Variants in PLCB1 observed in about 807,000 individuals in gnomAD.
PLCB1 encodes phospholipase C beta 1.
A neutral mutation model predicts 161.8 loss-of-function variants in PLCB1; 46 were observed. That is an observed-to-expected ratio of 0.28 (90% CI 0.22 to 0.36). The LOEUF (loss-of-function observed/expected upper bound fraction) is 0.36, where lower values mean the gene tolerates loss of function less well. PLCB1 is among the 10% of genes least tolerant of loss of function. The pLI is 1.00. For synonymous variants in PLCB1, 517 were observed against 503.7 expected (o/e 1.03, Z -0.35); for missense variants, 1,016 against 1,472.5 (o/e 0.69, Z 5.07).
chr20:8,580,714 A>G (rs6055919), intron 3 of PLCB1, among the ~76,000 whole-genome samples: 93,744 of 152,162 alleles, frequency 0.62, 30,995 homozygotes, highest in African/African-American at 0.87. Context: ...GCTTTCAAGG[A>G]ACTCATAGTT....
intron 31 of PLCB1, among the ~76,000 whole-genome samples, chr20:8,856,198 G>A (rs956897342): frequency 6.6e-6 from 1 of 152,004 alleles, no homozygotes; most frequent in African/African-American, 2.4e-5. Context: ...TCATGCATAT[G>A]TATTCCTATA....
At chr20:8,525,303 A>G (rs1424142147) in intron 3 of PLCB1, among the ~76,000 whole-genome samples, 1 of 152,006 alleles carries the variant, frequency 6.6e-6, no homozygotes, top group Non-Finnish European at 1.5e-5. Context: ...AAAAAACCTG[A>G]CCTTGGGAGA....
intron 6 of PLCB1, 115 bp downstream of exon 6, chr20:8,648,068 G>A: frequency 2.9e-6 from 2 of 694,830 alleles, no homozygotes; most frequent in Non-Finnish European, 4.8e-6. Flanking sequence ...GAAATGCGTG[G>A]TAGCCCTGTC....
At chr20:8,666,791 C>A in intron 9 of PLCB1, among the ~76,000 whole-genome samples, 1 of 152,098 alleles carries the variant, frequency 6.6e-6, no homozygotes. Context: ...TTTCTTCTAA[C>A]AAAGTCTCGT....
At position 8,420,916 on chromosome 20, in the gene PLCB1, A is replaced by G. The variant is rs571088706; in HGVS notation, c.246+49466A>G. ...AATTTCTTAATCTTACTGGAAGTAC[A>G]TAAAATCTGTTTTTGTTTTAAATAC... On this transcript the variant is annotated intron_variant, in intron 3 of 31. Transcript: ENST00000338037. Among the ~76,000 whole-genome samples, 6 of 152,180 alleles carry G rather than the reference A, an allele frequency of 3.9e-5. 1 individual carries two copies. Among genetic ancestry groups the G allele is most frequent in the Admixed American group, 1.3e-4 (2 of 15,260 alleles).
chr20:8,190,794 C>A (rs1345791963), intron 2 of PLCB1, among the ~76,000 whole-genome samples: 1 of 152,046 alleles, frequency 6.6e-6, no homozygotes, highest in Admixed American at 6.6e-5. Flanking sequence ...CCTCTAAATG[C>A]CCTGGTTTTG....
At chr20:8,346,464 G>T (rs1986003058) in intron 2 of PLCB1, among the ~76,000 whole-genome samples, 1 of 152,148 alleles carries the variant, frequency 6.6e-6, no homozygotes, top group South Asian at 2.1e-4. Flanking sequence ...GCTTAATAAA[G>T]ATTTAATTTA....
intron 2 of PLCB1, among the ~76,000 whole-genome samples, chr20:8,165,379 A>AT (rs1452605231): frequency 1.3e-5 from 2 of 152,056 alleles, no homozygotes; most frequent in African/African-American, 2.4e-5. Context: ...GAATTGATTG[A>AT]TTTTTTTCCA....
intron 3 of PLCB1, among the ~76,000 whole-genome samples, chr20:8,533,885 A>C (rs911207394): frequency 6.6e-6 from 1 of 152,120 alleles, no homozygotes. Context: ...CCGATTTGTC[A>C]ATTTTGTCTT....
At chr20:8,170,939 T>C (rs1163532948) in intron 2 of PLCB1, among the ~76,000 whole-genome samples, 1 of 152,230 alleles carries the variant, frequency 6.6e-6, no homozygotes, top group Non-Finnish European at 1.5e-5. Flanking sequence ...TTAACTTCTC[T>C]ATTGTTAATG....
intron 3 of PLCB1, among the ~76,000 whole-genome samples, chr20:8,419,422 AT>A (rs146192558): frequency 6.6e-6 from 1 of 152,046 alleles, no homozygotes; most frequent in East Asian, 1.9e-4. Flanking sequence ...TTGTGTTATG[AT>A]TTTTTTTAAT....
rs532320493 is a variant in PLCB1 at position 8,862,610 on chromosome 20, G to A, written c.3424-19012G>A. Reference sequence around the variant, plus strand: ...AACTATTTAGACTCAGAAAGAAATTGATTTTTTTAAATCTAAACATAGTTA... The same window carrying A: ...AACTATTTAGACTCAGAAAGAAATTAATTTTTTTAAATCTAAACATAGTTA... On this transcript the variant is annotated intron_variant, in intron 31 of 31. Transcript: ENST00000338037. Among the ~76,000 whole-genome samples the A allele has an allele frequency of 3.5e-4, 53 of 152,204 alleles. 1 individual carries two copies. The East Asian group carries it at 8.9e-3, about 26-fold the overall frequency.
rs921505860 is a variant in PLCB1, at chr20:8,132,600, C to G, written c.-52C>G. ...CCGCGCCCCGCGCCCCGCGCACGGT[C>G]CCCAGTCCCTGCCGCGCTCGCCCGG... On this transcript the variant is annotated 5_prime_UTR_variant, in exon 1 of 32. Coordinates refer to ENST00000338037, the MANE Select transcript of PLCB1 (RefSeq NM_015192.4). This position sits in a 1 kb window ranked among gnomAD's most constrained non-coding sequence, Gnocchi z 5.2. 38 of 1,323,350 alleles carry G rather than the reference C, an allele frequency of 2.9e-5. No individual in the cohort carries two copies. The highest frequency in any genetic ancestry group is 3.0e-5 in the Non-Finnish European group (29 of 951,714). 82.0% of individuals were successfully genotyped at this position (1,323,350 alleles called of 1,614,324 possible). A position where few individuals can be genotyped will look rare whatever the true frequency, so the allele number is the denominator to read the frequency against.
At chr20:8,713,839 T>C (rs1162508359) in intron 12 of PLCB1, among the ~76,000 whole-genome samples, 3 of 152,140 alleles carry the variant, frequency 2.0e-5, no homozygotes, top group African/African-American at 4.8e-5. Context: ...CTTAGTGGAA[T>C]TGAGTGATAA....
At chr20:8,757,601 G>A (rs1219096027) in intron 24 of PLCB1, among the ~76,000 whole-genome samples, 2 of 152,090 alleles carry the variant, frequency 1.3e-5, no homozygotes, top group African/African-American at 4.8e-5. Context: ...TGTCTGCCCT[G>A]TGCTGGACAC....
At chr20:8,189,752 A>G (rs1170490994) in intron 2 of PLCB1, among the ~76,000 whole-genome samples, 1 of 152,092 alleles carries the variant, frequency 6.6e-6, no homozygotes, top group Admixed American at 6.6e-5. Flanking sequence ...TCACAGTGAG[A>G]TTCATCCAAC....
At chr20:8,571,339 G>A (rs1198419463) in intron 3 of PLCB1, among the ~76,000 whole-genome samples, 1 of 151,960 alleles carries the variant, frequency 6.6e-6, no homozygotes, top group Non-Finnish European at 1.5e-5. Context: ...AAAATTAGAT[G>A]GGCGTGGTGC....
At chr20:8,857,421 A>G (rs1281264971) in intron 31 of PLCB1, among the ~76,000 whole-genome samples, 1 of 152,220 alleles carries the variant, frequency 6.6e-6, no homozygotes, top group Non-Finnish European at 1.5e-5. Flanking sequence ...GACTTATTCT[A>G]TTCCATGAAT....
At chr20:8,558,620 C>A (rs1001488984) in intron 3 of PLCB1, among the ~76,000 whole-genome samples, 6 of 151,798 alleles carry the variant, frequency 4.0e-5, no homozygotes, top group African/African-American at 1.4e-4. Flanking sequence ...AATACAAAGA[C>A]AGCCACACTA....
Sources: gnomAD v4.1 joint callset for allele counts (sites outside exome capture counted in the v4.1 genomes callset) on GRCh38, gnomAD v4.1.1 for gene constraint, Gnocchi (gnomAD v3.1) non-coding constraint, MANE v1.5 for transcripts, NCBI Gene and HGNC (gene_info 2026-07-23, HGNC 2026-07-21) for gene names.